The following C11orf58 variants were observed in gnomAD, a reference collection of about 807,000 sequenced individuals.
C11orf58 encodes the protein small acidic protein.
A neutral mutation model predicts 22.7 loss-of-function variants in C11orf58; 5 were observed. The ratio of observed to expected loss-of-function variants is 0.22; its 90% CI spans 0.12 to 0.46. The LOEUF is 0.46. C11orf58 is among the 20% of genes least tolerant of loss of function. The pLI is 0.99. For missense variants in C11orf58, 151 were observed against 223.3 expected, an observed-to-expected ratio of 0.68 and a Z score of 2.06; for synonymous variants, 71 against 70.7, an observed-to-expected ratio of 1.00 and a Z score of -0.02.
chr11:16,744,721 T>C, intron 2 of C11orf58, 37 bp downstream of exon 2: 1 of 1,568,976 alleles, frequency 6.4e-7, no homozygotes, highest in South Asian at 1.1e-5. Flanking sequence ...ACCTTTTCTG[T>C]GAAAATATTG....
Position 16,756,621 on chromosome 11 carries a change from A to G in C11orf58, c.*1517A>G, listed in dbSNP as rs556697154. 1.6e-4 allele frequency among the ~76,000 whole-genome samples: 24 copies of G among 150,402 alleles called. No individual in the cohort carries two copies. The highest frequency in any genetic ancestry group is 6.6e-4 in the Admixed American group (10 of 15,130). On this transcript the variant is annotated 3_prime_UTR_variant, in exon 5 of 5. Transcript: ENST00000228136. ...TTCTTATGTCACTTTGAAATGTAGAACGTGTTGCCATGTGCGGTGGCTCAC... is the reference window on the plus strand; with the variant it reads ...TTCTTATGTCACTTTGAAATGTAGAGCGTGTTGCCATGTGCGGTGGCTCAC...
chr11:16,744,639 TGAA>T lies in C11orf58; in HGVS notation c.105_107del (p.Glu36del). On this transcript the variant is annotated inframe_deletion, in exon 2 of 5. Transcript: ENST00000228136. ...ATTGGGAGGCAGCAGACTTGGGTAATGAAGAGAGAAAACAAAAGTTCTTGAGAC... is the reference window on the plus strand; with the variant it reads ...ATTGGGAGGCAGCAGACTTGGGTAATGAGAGAAAACAAAAGTTCTTGAGAC... 1.2e-6 allele frequency: 2 copies of T among 1,613,966 alleles called. No homozygotes were observed. Among genetic ancestry groups the T allele is most frequent in the Non-Finnish European group, 1.7e-6 (2 of 1,179,930 alleles).
intron 4 of C11orf58, chr11:16,753,841 G>A (rs1271426041): frequency 6.6e-6 from 3 of 453,108 alleles, no homozygotes; most frequent in South Asian, 4.4e-5. Context: ...CTGGGATATA[G>A]GCCTGCACCA....
intron 1 of C11orf58, among the ~76,000 whole-genome samples, chr11:16,741,605 G>C (rs1414199613): frequency 6.6e-6 from 1 of 152,232 alleles, no homozygotes; most frequent in Non-Finnish European, 1.5e-5. Context: ...ACAGCAGGAC[G>C]TGAGCTGTGG....
At position 16,738,671 on chromosome 11, in the gene C11orf58, G is replaced by A; in HGVS notation, c.-108G>A. 1 of 1,276,780 alleles carries A rather than the reference G, an allele frequency of 7.8e-7. No homozygotes were observed. The highest frequency in any genetic ancestry group is 1.1e-6 in the Non-Finnish European group (1 of 878,148). The allele number at this position is 1,276,780 out of a possible 1,614,324, so 79.1% of individuals were successfully genotyped here. A position where few individuals can be genotyped will look rare whatever the true frequency, so the allele number is the denominator to read the frequency against. On this transcript the variant is annotated 5_prime_UTR_variant, in exon 1 of 5. Transcript: ENST00000228136. ...CAGAGAAGGCCCGGAGGGGCTCTGC[G>A]TTCTGTAGTGGCGCTGCTTGGGCCC...
At chr11:16,754,019 C>A in intron 4 of C11orf58, 1 of 428,762 alleles carries the variant, frequency 2.3e-6, no homozygotes, top group Non-Finnish European at 4.2e-6. Context: ...TAGGCGTGAA[C>A]AACAACATGC....
intron 3 of C11orf58, chr11:16,749,959 C>CT (rs1848519159): frequency 1.3e-5 from 2 of 152,310 alleles, no homozygotes; most frequent in South Asian, 2.1e-4. Context: ...ATCCATGTCT[C>CT]TTTCCTGCAC....
intron 3 of C11orf58, chr11:16,751,609 G>C (rs890931566): frequency 6.6e-6 from 1 of 152,158 alleles, no homozygotes; most frequent in Non-Finnish European, 1.5e-5. Flanking sequence ...TTCAAAGCCA[G>C]ACTAGTATTA....
chr11:16,752,535 C>A, intron 3 of C11orf58: 1 of 250,358 alleles, frequency 4.0e-6, no homozygotes, highest in African/African-American at 2.2e-5. Flanking sequence ...TTCAGGATAA[C>A]ATCTACTTAT....
chr11:16,752,596 T>C lies in C11orf58; in HGVS notation c.209-189T>C, dbSNP rs1348967937. On this transcript the variant is annotated intron_variant, in intron 3 of 4. Transcript: ENST00000228136. ...CCCAAAGTGCTTAGTAATAAATATT[T>C]ATGCTATCTCAACATCAGGCATTTT... is the stretch of plus-strand genomic sequence containing the variant. 74 of 379,646 alleles carry C rather than the reference T, an allele frequency of 1.9e-4. No individual in the cohort carries two copies. The Admixed American group carries it at 3.2e-3, about 16-fold the overall frequency. The allele number at this position is 379,646 out of a possible 1,614,324, so 23.5% of individuals were successfully genotyped here. A position where few individuals can be genotyped will look rare whatever the true frequency, so the allele number is the denominator to read the frequency against.
chr11:16,741,194 C>T (rs936927528), intron 1 of C11orf58, among the ~76,000 whole-genome samples: 2 of 152,030 alleles, frequency 1.3e-5, no homozygotes, highest in Non-Finnish European at 2.9e-5. Context: ...TTTCTTATGC[C>T]CATTGACCTC....
At chr11:16,747,999 T>C in intron 2 of C11orf58, 98 bp from the exon 3 acceptor site, 1 of 871,024 alleles carries the variant, frequency 1.1e-6, no homozygotes, top group East Asian at 2.5e-5. Context: ...GTCTTCACTG[T>C]GTCCCAGAAG....
intron 1 of C11orf58, among the ~76,000 whole-genome samples, chr11:16,742,727 G>C (rs990787271): frequency 6.6e-6 from 1 of 152,110 alleles, no homozygotes; most frequent in African/African-American, 2.4e-5. Flanking sequence ...ATAATAATGG[G>C]AGATAGTGCA....
intron 2 of C11orf58, chr11:16,746,562 A>T (rs937436876): frequency 6.6e-6 from 1 of 152,216 alleles, no homozygotes; most frequent in Admixed American, 6.5e-5. Flanking sequence ...ATGTAAGGTA[A>T]GTGTTAGTTT....
intron 4 of C11orf58, among the ~76,000 whole-genome samples, chr11:16,754,567 T>C: frequency 9.8e-6 from 1 of 101,858 alleles, no homozygotes; most frequent in African/African-American, 3.8e-5. Context: ...TTTTTTTTTT[T>C]TTTTTTTTTT....
chr11:16,752,670 TA>T, intron 3 of C11orf58, 114 bp from the exon 4 acceptor site: 1 of 574,308 alleles, frequency 1.7e-6, no homozygotes, highest in Non-Finnish European at 2.8e-6. Context: ...AAAGTCATAG[TA>T]AAATTAGTCA....
chr11:16,744,536 G>C, intron 1 of C11orf58, 65 bp from the exon 2 acceptor site: 5 of 1,301,804 alleles, frequency 3.8e-6, no homozygotes, highest in Non-Finnish European at 5.5e-6. Flanking sequence ...GTTACAGGTA[G>C]ACTTTAGATT....
chr11:16,748,882 G>A (rs902937612), intron 3 of C11orf58, among the ~76,000 whole-genome samples: 1 of 152,012 alleles, frequency 6.6e-6, no homozygotes, highest in African/African-American at 2.4e-5. Flanking sequence ...ACCTTTTTCT[G>A]TCTCCATTTT....
chr11:16,746,244 GACCTATTTAAATA>G (rs1188248882), intron 2 of C11orf58, among the ~76,000 whole-genome samples: 1 of 152,206 alleles, frequency 6.6e-6, no homozygotes, highest in Non-Finnish European at 1.5e-5. Context: ...AAAACACTGA[GACCTATTTAAATA>G]AAGCATTTGT....
Sources: gnomAD v4.1 joint callset for allele counts (sites outside exome capture counted in the v4.1 genomes callset) on GRCh38, gnomAD v4.1.1 for gene constraint, MANE v1.5 for transcripts, NCBI Gene and HGNC (gene_info 2026-07-23, HGNC 2026-07-21) for gene names.